SNX29: variants seen among roughly 807,000 people sequenced by gnomAD.
SNX29 encodes the protein sorting nexin 29, also known as sorting nexin-29.
In SNX29, 78 loss-of-function variants were observed where a neutral mutation model predicts 102.1. The ratio of observed to expected loss-of-function variants is 0.76; its 90% confidence interval spans 0.64 to 0.92. The LOEUF (loss-of-function observed/expected upper bound fraction) is 0.92, where lower values mean the gene tolerates loss of function less well. Ranked by LOEUF, SNX29 falls within the 40% of genes least tolerant of loss-of-function variation. SNX29 has a pLI of 0.00. For missense variants in SNX29, 1,280 were observed against 1,061.7 expected (o/e 1.21, Z -2.86); for synonymous variants, 580 against 414.5 (o/e 1.40, Z -4.85).
chr16:12,326,763 C>G (rs1358490743), intron 15 of SNX29, among the ~76,000 whole-genome samples: 1 of 5,960 alleles, frequency 1.7e-4, no homozygotes, highest in Admixed American at 3.3e-3. Context: ...GGATATTATA[C>G]TAGCTTGTGG....
intron 20 of SNX29, among the ~76,000 whole-genome samples, chr16:12,533,661 A>G (rs76450070): frequency 0.016 from 2,382 of 152,274 alleles, 65 homozygotes; most frequent in South Asian, 0.12. Context: ...ATCTTCCAGC[A>G]TCAATAGGCA....
chr16:12,418,964 C>T (rs1391535169), intron 18 of SNX29, among the ~76,000 whole-genome samples: 3 of 152,314 alleles, frequency 2.0e-5, no homozygotes, highest in African/African-American at 4.8e-5. Context: ...TGATGCCTCC[C>T]TTGCTAGACT....
intron 18 of SNX29, among the ~76,000 whole-genome samples, chr16:12,420,584 G>T (rs927874743): frequency 6.6e-6 from 1 of 152,164 alleles, no homozygotes; most frequent in African/African-American, 2.4e-5. Context: ...ACCTGTATGT[G>T]CTGTGAAGTT....
At chr16:12,469,093 C>T (rs888158893) in intron 18 of SNX29, among the ~76,000 whole-genome samples, 3 of 152,210 alleles carry the variant, frequency 2.0e-5, no homozygotes, top group African/African-American at 7.2e-5. Flanking sequence ...GTCTCTGCCA[C>T]ATCCAGACCT....
rs528364047 is a variant in SNX29 at position 12,470,943 on chromosome 16, A to T, written c.2038-6776A>T. Among the ~76,000 whole-genome samples the T allele has an allele frequency of 2.6e-5, 4 of 152,288 alleles. 1 individual carries two copies. In the South Asian group the frequency reaches 6.2e-4, roughly 24 times the overall value. Reference sequence around the variant, plus strand: ...ACATTGGCATTGGCCTGCCTTACAGATGAAGAAGCTGAGTCTCAATGTGGG... The same window carrying T: ...ACATTGGCATTGGCCTGCCTTACAGTTGAAGAAGCTGAGTCTCAATGTGGG... On this transcript the variant is annotated intron_variant, in intron 18 of 20. Transcript: ENST00000566228.
At chr16:12,134,576 A>G (rs2141453250) in intron 13 of SNX29, among the ~76,000 whole-genome samples, 1 of 152,338 alleles carries the variant, frequency 6.6e-6, no homozygotes, top group Middle Eastern at 3.4e-3. Context: ...ACCCAGGAGC[A>G]GGAGAAGAGA....
chr16:12,160,475 A>G (rs1328390558), intron 13 of SNX29, among the ~76,000 whole-genome samples: 2 of 152,216 alleles, frequency 1.3e-5, no homozygotes, highest in Non-Finnish European at 2.9e-5. Flanking sequence ...GTGTTATTAT[A>G]TCATTCCATT....
At chr16:12,154,957 G>A (rs1243128225) in intron 13 of SNX29, among the ~76,000 whole-genome samples, 1 of 152,176 alleles carries the variant, frequency 6.6e-6, no homozygotes, top group Non-Finnish European at 1.5e-5. Flanking sequence ...ATATGAATTT[G>A]GCAGTGGGGA....
intron 3 of SNX29, among the ~76,000 whole-genome samples, chr16:12,026,042 A>G (rs1030289619): frequency 2.0e-5 from 3 of 152,224 alleles, no homozygotes; most frequent in Non-Finnish European, 4.4e-5. Context: ...TACTACCCAC[A>G]GAGTGATAAA....
intron 18 of SNX29, among the ~76,000 whole-genome samples, chr16:12,418,372 A>ATT (rs34752243): frequency 9.5e-4 from 142 of 149,980 alleles, no homozygotes; most frequent in African/African-American, 1.9e-3. Context: ...GATTGTATTT[A>ATT]TTTTTTTTTT....
intron 15 of SNX29, among the ~76,000 whole-genome samples, chr16:12,278,448 G>A (rs1017186116): frequency 6.6e-6 from 1 of 151,970 alleles, no homozygotes; most frequent in Non-Finnish European, 1.5e-5. Context: ...ACTGGTCGAA[G>A]GGACCCCCTC....
chr16:12,332,275 T>G (rs963372524), intron 15 of SNX29, among the ~76,000 whole-genome samples: 86 of 152,234 alleles, frequency 5.6e-4, no homozygotes, highest in African/African-American at 2.0e-3. Flanking sequence ...CACGGGCATA[T>G]GCATGCACAA....
At chr16:12,172,907 C>G (rs1426128648) in intron 13 of SNX29, among the ~76,000 whole-genome samples, 2 of 152,212 alleles carry the variant, frequency 1.3e-5, no homozygotes, top group African/African-American at 4.8e-5. Context: ...AGCTGCTCAA[C>G]TCTGCCATTG....
At chr16:12,461,085 A>G (rs1447466115) in intron 18 of SNX29, among the ~76,000 whole-genome samples, 1 of 152,272 alleles carries the variant, frequency 6.6e-6, no homozygotes, top group Non-Finnish European at 1.5e-5. Flanking sequence ...ATTTTACATT[A>G]AGAAATTGAA....
intron 8 of SNX29, among the ~76,000 whole-genome samples, chr16:12,060,374 T>C (rs1202532350): frequency 1.3e-5 from 2 of 152,154 alleles, no homozygotes; most frequent in African/African-American, 4.8e-5. Context: ...GGAGGATCGC[T>C]TGAGGCTAGG....
chr16:12,508,071 T>G (rs1469184835), intron 19 of SNX29, among the ~76,000 whole-genome samples: 4 of 152,234 alleles, frequency 2.6e-5, no homozygotes, highest in Non-Finnish European at 5.9e-5. Context: ...CTCTGTGAGT[T>G]TCAGTGTTCT....
Position 12,403,523 on chromosome 16 carries a change from G to A in SNX29, c.2031G>A (p.Val677=), listed in dbSNP as rs1161540231. The change falls in exon 18 of 21, where the codon GTG becomes GTA. Residue 677 remains valine, a synonymous_variant. Transcript: ENST00000566228. ...LRGKAANAFH[V]YQVYIRIKDD... ...GCAAAGCAGCAAATGCATTCCACGT[G>A]TATCAGGTGAGTGCCTGGTTTTCAG... is the stretch of plus-strand genomic sequence containing the variant. 6 of 1,604,966 alleles carry A rather than the reference G, an allele frequency of 3.7e-6. No individual in the cohort carries two copies. The highest frequency in any genetic ancestry group is 5.1e-6 in the Non-Finnish European group (6 of 1,175,560).
At chr16:12,362,165 C>T (rs981742976) in intron 16 of SNX29, among the ~76,000 whole-genome samples, 1 of 152,210 alleles carries the variant, frequency 6.6e-6, no homozygotes, top group East Asian at 1.9e-4. Context: ...ACTGACAAAA[C>T]CGTAATGGAT....
rs1355060553 is a variant in SNX29 at position 12,098,316 on chromosome 16, A to G, written c.1402+19401A>G. ...ACAAAACTCAAAAGGTACGTATGGGATACCGTAAAGGATTTCTCTTCCACT... is the reference window on the plus strand; with the variant it reads ...ACAAAACTCAAAAGGTACGTATGGGGTACCGTAAAGGATTTCTCTTCCACT... On this transcript the variant is annotated intron_variant, in intron 11 of 20. Coordinates refer to ENST00000566228, the MANE Select transcript of SNX29 (RefSeq NM_032167.5). The surrounding 1 kb of genome is among the most constrained non-coding windows in gnomAD (Gnocchi z 6.0). Among the ~76,000 whole-genome samples the G allele has an allele frequency of 1.3e-5, 2 of 152,218 alleles. No individual in the cohort carries two copies. The highest frequency in any genetic ancestry group is 1.3e-4 in the Admixed American group (2 of 15,288).
Sources: gnomAD v4.1 joint callset for allele counts (sites outside exome capture counted in the v4.1 genomes callset) on GRCh38, gnomAD v4.1.1 for gene constraint, Gnocchi (gnomAD v3.1) non-coding constraint, MANE v1.5 for transcripts, NCBI Gene and HGNC (gene_info 2026-07-23, HGNC 2026-07-21) for gene names.